The following LRRC7 variants were observed in gnomAD, a reference collection of about 807,000 sequenced individuals.
LRRC7 encodes the protein leucine-rich repeat-containing protein 7.
LRRC7 carries 23 observed loss-of-function variants against 175.7 expected under a neutral mutation model. The ratio of observed to expected loss-of-function variants is 0.13; its 90% CI spans 0.09 to 0.19. The LOEUF (loss-of-function observed/expected upper bound fraction) is 0.19, where lower values mean the gene tolerates loss of function less well. LRRC7 is among the 10% of genes least tolerant of loss of function. LRRC7 has a pLI of 1.00. For missense variants in LRRC7, 1,354 were observed against 1,904.7 expected (o/e 0.71, Z 5.38); for synonymous variants, 685 against 680.9 (o/e 1.01, Z -0.09).
chr1:69,973,020 A>AC (rs1652422068), intron 8 of LRRC7, among the ~76,000 whole-genome samples: 1 of 134,438 alleles, frequency 7.4e-6, no homozygotes, highest in East Asian at 2.3e-4. Context: ...TATATACTAT[A>AC]TATAAATACT....
At chr1:70,003,660 G>C (rs763535562) in intron 11 of LRRC7, among the ~76,000 whole-genome samples, 1 of 152,090 alleles carries the variant, frequency 6.6e-6, no homozygotes, top group African/African-American at 2.4e-5. Context: ...ATCCATTTAA[G>C]AGTCATCCTC....
intron 1 of LRRC7, among the ~76,000 whole-genome samples, chr1:69,659,123 C>T (rs1268649391): frequency 1.3e-5 from 2 of 151,982 alleles, no homozygotes; most frequent in Admixed American, 6.6e-5. Context: ...ATACTCCTTT[C>T]TCTCCCCACA....
At chr1:69,743,539 C>T (rs531637222) in intron 2 of LRRC7, among the ~76,000 whole-genome samples, 2 of 151,914 alleles carry the variant, frequency 1.3e-5, no homozygotes, top group Non-Finnish European at 2.9e-5. Context: ...AAGAAGACAA[C>T]GTCCAACATT....
intron 1 of LRRC7, among the ~76,000 whole-genome samples, chr1:69,676,064 T>C (rs945073450): frequency 1.3e-5 from 2 of 151,540 alleles, no homozygotes; most frequent in Non-Finnish European, 3.0e-5. Flanking sequence ...AGCCTCTACA[T>C]ATGAATAGAC....
chr1:69,766,410 G>A (rs768339673), intron 3 of LRRC7, among the ~76,000 whole-genome samples: 9 of 152,240 alleles, frequency 5.9e-5, no homozygotes, highest in Admixed American at 1.3e-4. Flanking sequence ...TTAAGGTCTT[G>A]CTCATTTCAC....
In LRRC7 at chr1:70,121,920, C is replaced by G. The variant is rs376626339; in HGVS notation, c.*33C>G. The G allele has an allele frequency of 1.1e-5, 16 of 1,435,044 alleles. No homozygotes were observed. The East Asian group carries it at 1.1e-4, about 10-fold the overall frequency. The allele number at this position is 1,435,044 out of a possible 1,614,324, so 88.9% of individuals were successfully genotyped here. The stretch of plus-strand genomic sequence containing the variant: ...TTATAAATAGTGAAGATACGTCTAG[C>G]CAGACCTAATGTTCAAAAATAAATT... On this transcript the variant is annotated 3_prime_UTR_variant, in exon 27 of 27. Coordinates refer to ENST00000651989, the MANE Select transcript of LRRC7 (RefSeq NM_001370785.2).
At chr1:69,816,883 G>T (rs1678663826) in intron 4 of LRRC7, among the ~76,000 whole-genome samples, 1 of 152,042 alleles carries the variant, frequency 6.6e-6, no homozygotes, top group South Asian at 2.1e-4. Context: ...CCGTATAAGT[G>T]ATGTGATGCC....
intron 1 of LRRC7, among the ~76,000 whole-genome samples, chr1:69,677,272 G>A (rs985986501): frequency 3.6e-5 from 4 of 111,990 alleles, no homozygotes; most frequent in Non-Finnish European, 7.8e-5. Flanking sequence ...TATCATATAT[G>A]TATCATACAT....
intron 1 of LRRC7, among the ~76,000 whole-genome samples, chr1:69,635,541 CAAAA>C (rs920767347): frequency 6.6e-6 from 1 of 151,626 alleles, no homozygotes; most frequent in Non-Finnish European, 1.5e-5. Flanking sequence ...GTATTTTTGA[CAAAA>C]AAAGATTTTT....
chr1:69,772,829 A>G (rs1034836233), intron 3 of LRRC7, among the ~76,000 whole-genome samples: 1 of 152,186 alleles, frequency 6.6e-6, no homozygotes, highest in Non-Finnish European at 1.5e-5. Context: ...AGGGTTTTTG[A>G]AGATACAGGA....
intron 24 of LRRC7, among the ~76,000 whole-genome samples, chr1:70,082,781 ATTTTTTTTTTTTTTTTT>A (rs1172403797): frequency 1.9e-5 from 1 of 52,308 alleles, no homozygotes; most frequent in African/African-American, 6.2e-5. Flanking sequence ...ATACCAGTAC[ATTTTTTTTTTTTTTTTT>A]TTTTTTTTTT....
chr1:69,918,776 T>G (rs1646794644), intron 7 of LRRC7, among the ~76,000 whole-genome samples: 1 of 152,150 alleles, frequency 6.6e-6, no homozygotes, highest in African/African-American at 2.4e-5. Context: ...TGATGGAAAC[T>G]ACGGTCATAT....
At position 70,125,756 on chromosome 1, in the gene LRRC7, C is replaced by T. The variant is rs1452244257; in HGVS notation, c.*3869C>T. On this transcript the variant is annotated 3_prime_UTR_variant, in exon 27 of 27. Coordinates refer to ENST00000651989, the MANE Select transcript of LRRC7 (RefSeq NM_001370785.2). The stretch of plus-strand genomic sequence containing the variant: ...GCAGTGAGCCGAGATCCCGCCACTG[C>T]ACTCCAGCCTGGGCGACAGAGCGAG... Among the ~76,000 whole-genome samples, 31 of 127,676 alleles carry T rather than the reference C, an allele frequency of 2.4e-4. No homozygotes were observed. Among genetic ancestry groups the T allele is most frequent in the South Asian group, 1.1e-3 (4 of 3,716 alleles). The allele number at this position is 127,676 out of a possible 152,430, so 83.8% of individuals were successfully genotyped here.
chr1:69,785,202 T>G (rs1436667639), intron 3 of LRRC7, among the ~76,000 whole-genome samples: 1 of 152,136 alleles, frequency 6.6e-6, no homozygotes, highest in Non-Finnish European at 1.5e-5. Context: ...CATCAAATGT[T>G]CCTTTAAATA....
chr1:69,993,172 T>C (rs1210276111), intron 10 of LRRC7, among the ~76,000 whole-genome samples: 1 of 152,184 alleles, frequency 6.6e-6, no homozygotes, highest in Non-Finnish European at 1.5e-5. Flanking sequence ...CTTTTGAACA[T>C]AGATGGATAT....
At chr1:70,060,493 T>G (rs1051603047) in intron 23 of LRRC7, among the ~76,000 whole-genome samples, 1 of 152,188 alleles carries the variant, frequency 6.6e-6, no homozygotes, top group African/African-American at 2.4e-5. Context: ...GGCATTGTGC[T>G]GTTGAGGTCC....
At chr1:69,691,822 GA>G (rs1661920981) in intron 2 of LRRC7, among the ~76,000 whole-genome samples, 1 of 83,016 alleles carries the variant, frequency 1.2e-5, no homozygotes, top group Non-Finnish European at 2.8e-5. Context: ...AAAAAAAAAA[GA>G]AAAGAAAAGA....
chr1:69,813,045 C>T lies in LRRC7; in HGVS notation c.422-12703C>T, dbSNP rs1172205420. Among the ~76,000 whole-genome samples, 2 of 152,046 alleles carry T rather than the reference C, an allele frequency of 1.3e-5. 1 individual carries two copies. Among genetic ancestry groups the T allele is most frequent in the Admixed American group, 1.3e-4 (2 of 15,232 alleles). ...AATCCATAACCCCAAATATCTGACCCCATTCTCCCATTTCCAGAACCCTCC... is the reference window on the plus strand; with the variant it reads ...AATCCATAACCCCAAATATCTGACCTCATTCTCCCATTTCCAGAACCCTCC... On this transcript the variant is annotated intron_variant, in intron 4 of 26. Coordinates refer to ENST00000651989, the MANE Select transcript of LRRC7 (RefSeq NM_001370785.2).
intron 2 of LRRC7, among the ~76,000 whole-genome samples, chr1:69,703,689 A>G (rs866570777): frequency 7.9e-5 from 12 of 152,146 alleles, no homozygotes; most frequent in Middle Eastern, 6.8e-3. Context: ...CTTCAAACTC[A>G]TAAGTTGTTT....
Sources: gnomAD v4.1 joint callset for allele counts (sites outside exome capture counted in the v4.1 genomes callset) on GRCh38, gnomAD v4.1.1 for gene constraint, MANE v1.5 for transcripts, NCBI Gene and HGNC (gene_info 2026-07-23, HGNC 2026-07-21) for gene names.